The following EVI5 variants were observed in gnomAD, a reference collection of about 807,000 sequenced individuals.
The protein encoded by EVI5 is ecotropic viral integration site 5 protein homolog.
Under a neutral mutation model 112.0 loss-of-function variants are expected in EVI5, and 73 were observed. The observed-to-expected ratio is 0.65, with a 90% CI of 0.54 to 0.79. EVI5 has a LOEUF of 0.79. Among genes scored for constraint, EVI5 ranks in the 30% least tolerant of loss-of-function variants. The probability of loss-of-function intolerance (pLI) is 0.00; values close to 1 mark genes in which losing one functional copy is unlikely to be tolerated. For missense variants in EVI5, 900 were observed against 968.8 expected, an observed-to-expected ratio of 0.93 and a Z score of 0.94; for synonymous variants, 305 against 319.9, an observed-to-expected ratio of 0.95 and a Z score of 0.50.
intron 14 of EVI5, among the ~76,000 whole-genome samples, chr1:92,626,801 G>T (rs985213413): frequency 1.1e-4 from 17 of 152,094 alleles, no homozygotes; most frequent in African/African-American, 3.9e-4. Context: ...GATAAAGCAT[G>T]AACATCATTT....
intron 18 of EVI5, among the ~76,000 whole-genome samples, chr1:92,577,135 T>C (rs1291812184): frequency 6.6e-6 from 1 of 152,228 alleles, no homozygotes; most frequent in Non-Finnish European, 1.5e-5. Flanking sequence ...TCAGCCTCTA[T>C]ACATGTTAGT....
At chr1:92,666,861 T>A (rs1385124305) in intron 10 of EVI5, among the ~76,000 whole-genome samples, 1 of 152,184 alleles carries the variant, frequency 6.6e-6, no homozygotes, top group Admixed American at 6.5e-5. Context: ...TTATGTGTTT[T>A]AACATCCTCA....
chr1:92,610,651 C>T (rs1202811007), intron 16 of EVI5, among the ~76,000 whole-genome samples: 5 of 152,044 alleles, frequency 3.3e-5, no homozygotes, highest in Non-Finnish European at 7.4e-5. Context: ...TCTATAAATA[C>T]AGCCACTGAA....
chr1:92,681,512 G>T (rs898316888), intron 9 of EVI5, among the ~76,000 whole-genome samples: 1 of 152,144 alleles, frequency 6.6e-6, no homozygotes, highest in Non-Finnish European at 1.5e-5. Flanking sequence ...TCTTACAACT[G>T]TCATGTAGTA....
intron 18 of EVI5, among the ~76,000 whole-genome samples, chr1:92,598,248 G>C (rs1459844678): frequency 6.6e-6 from 1 of 152,024 alleles, no homozygotes; most frequent in Admixed American, 6.6e-5. Flanking sequence ...ATATGTTGAG[G>C]GGGAAGCGTA....
chr1:92,675,227 C>T (rs776145529), intron 10 of EVI5, among the ~76,000 whole-genome samples: 2 of 152,024 alleles, frequency 1.3e-5, no homozygotes, highest in Admixed American at 6.5e-5. Flanking sequence ...ACCTGTAGTC[C>T]CAGCTACTTA....
chr1:92,639,670 A>C (rs1659565301), intron 13 of EVI5, among the ~76,000 whole-genome samples: 1 of 152,086 alleles, frequency 6.6e-6, no homozygotes, highest in South Asian at 2.1e-4. Flanking sequence ...TCACAACTCT[A>C]AATAAAAAAT....
intron 13 of EVI5, among the ~76,000 whole-genome samples, chr1:92,659,773 T>C (rs983945554): frequency 2.6e-5 from 4 of 152,088 alleles, no homozygotes; most frequent in African/African-American, 9.6e-5. Flanking sequence ...ATATCAAAGA[T>C]ACCTGTACTC....
At chr1:92,724,341 G>A (rs187894232) in intron 2 of EVI5, among the ~76,000 whole-genome samples, 4 of 152,176 alleles carry the variant, frequency 2.6e-5, no homozygotes, top group African/African-American at 4.8e-5. Context: ...AAGAACCTAC[G>A]TTGAAATACT....
At chr1:92,784,647 G>GCGA (rs1341332148) in intron 1 of EVI5, among the ~76,000 whole-genome samples, 189 bp downstream of exon 1, 2 of 151,998 alleles carry the variant, frequency 1.3e-5, no homozygotes, top group East Asian at 1.9e-4. Flanking sequence ...GGCGGCGGCG[G>GCGA]CGACAGGCGA....
At chr1:92,529,507 A>T (rs918294727) in intron 19 of EVI5, among the ~76,000 whole-genome samples, 1 of 152,220 alleles carries the variant, frequency 6.6e-6, no homozygotes, top group African/African-American at 2.4e-5. Context: ...ACTGCCTAAA[A>T]ATCTATGGGG....
At chr1:92,556,167 G>A (rs969946256) in intron 19 of EVI5, among the ~76,000 whole-genome samples, 4 of 150,810 alleles carry the variant, frequency 2.7e-5, no homozygotes, top group African/African-American at 7.3e-5. Context: ...GGGTTCAAGC[G>A]ATTCTCCTGC....
At chr1:92,681,675 G>A (rs1314604511) in intron 9 of EVI5, among the ~76,000 whole-genome samples, 1 of 152,126 alleles carries the variant, frequency 6.6e-6, no homozygotes, top group East Asian at 1.9e-4. Flanking sequence ...CCCCTCAGAT[G>A]TGGAAAAAGT....
chr1:92,693,577 C>T (rs1369027030), intron 9 of EVI5, among the ~76,000 whole-genome samples: 1 of 151,934 alleles, frequency 6.6e-6, no homozygotes, highest in Non-Finnish European at 1.5e-5. Context: ...ATTCCAGGCT[C>T]CTAATTCTAG....
chr1:92,687,093 G>C (rs576303944), intron 9 of EVI5, among the ~76,000 whole-genome samples: 1 of 152,232 alleles, frequency 6.6e-6, no homozygotes, highest in Non-Finnish European at 1.5e-5. Context: ...ACAATCCTAA[G>C]CAAAAAGAAC....
At position 92,562,035 on chromosome 1, in the gene EVI5, A is replaced by C. The variant is rs1008208257; in HGVS notation, c.2166+1607T>G. ...TAGAAATAAAGTCAATCTATACGTA[A>C]CTTTCTTGTTTCAGCAACATTAAAG... On this transcript the variant is annotated intron_variant, in intron 19 of 19. Transcript: ENST00000684568. Among the ~76,000 whole-genome samples the C allele has an allele frequency of 3.0e-4, 45 of 152,178 alleles. 1 individual carries two copies. The highest frequency in any genetic ancestry group is 2.9e-5 in the Non-Finnish European group (2 of 68,026).
At chr1:92,707,225 T>TC (rs1558118173) in intron 2 of EVI5, among the ~76,000 whole-genome samples, 2 of 145,328 alleles carry the variant, frequency 1.4e-5, no homozygotes, top group African/African-American at 5.1e-5. Flanking sequence ...TTCACAGCCT[T>TC]TGGGGTAGGC....
chr1:92,621,147 A>G (rs1402151179), intron 16 of EVI5, among the ~76,000 whole-genome samples: 1 of 152,194 alleles, frequency 6.6e-6, no homozygotes, highest in East Asian at 1.9e-4. Flanking sequence ...CACAATAAAT[A>G]TCTAATAAAT....
rs1017043907 is a variant in EVI5, at chr1:92,755,461, T to G, written c.-81-18834A>C. On this transcript the variant is annotated intron_variant, in intron 1 of 19. Coordinates refer to ENST00000684568, the MANE Select transcript of EVI5 (RefSeq NM_001350197.2). ...ACCCAAAAACAAAAAAACTAATGAT[T>G]TGTCTAAAGGAAATTAGTATTTTTA... Among the ~76,000 whole-genome samples, 4 of 152,126 alleles carry G rather than the reference T, an allele frequency of 2.6e-5. No individual in the cohort carries two copies. In the South Asian group the frequency reaches 6.2e-4, roughly 24 times the overall value.
Sources: gnomAD v4.1 joint callset for allele counts (sites outside exome capture counted in the v4.1 genomes callset) on GRCh38, gnomAD v4.1.1 for gene constraint, MANE v1.5 for transcripts, NCBI Gene and HGNC (gene_info 2026-07-23, HGNC 2026-07-21) for gene names.